KCNN1: variants seen among roughly 807,000 people sequenced by gnomAD.
KCNN1 encodes the protein small conductance calcium-activated potassium channel protein 1.
KCNN1 carries 20 observed loss-of-function variants against 44.7 expected under a neutral mutation model. The ratio of observed to expected loss-of-function variants is 0.45; its 90% confidence interval spans 0.32 to 0.65. The LOEUF is 0.65. KCNN1 is among the 30% of genes least tolerant of loss of function. The pLI is 0.05. For synonymous variants in KCNN1, 324 were observed against 341.7 expected, an observed-to-expected ratio of 0.95 and a Z score of 0.57; for missense variants, 632 against 785.3, an observed-to-expected ratio of 0.80 and a Z score of 2.33.
At chr19:17,964,880 G>A (rs2031760639), upstream of KCNN1, among the ~76,000 whole-genome samples, 1 of 152,174 alleles carries the variant, frequency 6.6e-6, no homozygotes, top group African/African-American at 2.4e-5. This position sits in a 1 kb window ranked among gnomAD's most constrained non-coding sequence, Gnocchi z 4.3. Flanking sequence ...GTGGGTACAG[G>A]GGCTTCAGGG....
Position 17,982,592 on chromosome 19 carries a change from C to G in KCNN1, c.917+465C>G, listed in dbSNP as rs1040083461. The G allele has an allele frequency of 8.1e-6, 8 of 985,196 alleles. No individual in the cohort carries two copies. The Admixed American group carries it at 2.5e-4, about 30-fold the overall frequency. 61.0% of individuals were successfully genotyped at this position (985,196 alleles called of 1,614,324 possible). A position where few individuals can be genotyped will look rare whatever the true frequency, so the allele number is the denominator to read the frequency against. On this transcript the variant is annotated intron_variant, in intron 4 of 9. Coordinates refer to ENST00000684775, the MANE Select transcript of KCNN1 (RefSeq NM_001386974.1). ...GGGAAAACATGTGAGTCCCACCCTC[C>G]GCTGAGCTGTGTGCGCAGAGCAGCC...
At chr19:17,958,925 A>C (rs1320743645) in intron 2 of KCNN1, among the ~76,000 whole-genome samples, 5 of 148,856 alleles carry the variant, frequency 3.4e-5, no homozygotes, top group East Asian at 2.0e-4. Flanking sequence ...TGGTCTCGAT[A>C]TCCTGACTTC....
In KCNN1 at chr19:17,990,731, C is replaced by G. The variant is rs111982879; in HGVS notation, c.1298+888C>G. Among the ~76,000 whole-genome samples, 1,225 of 144,942 alleles carry G rather than the reference C, an allele frequency of 8.5e-3. 8 individuals are homozygous for G. The highest frequency in any genetic ancestry group is 0.029 in the African/African-American group (1,121 of 38,860). ...AGGAGAATGGCATGAACCCAGGAGG[C>G]GGAGCTCGCAGTAAGCTGAGATTGC... On this transcript the variant is annotated intron_variant, in intron 7 of 9. Coordinates refer to ENST00000684775, the MANE Select transcript of KCNN1 (RefSeq NM_001386974.1).
rs1165032676 is a variant in KCNN1, at chr19:17,951,894, C to CT, written c.-203+486dup. ...AGGGGAGCAGCCCTGTTCCGTGCTG[C>CT]TGGGACACTGGGCCCTGGCCAGGGG... On this transcript the variant is annotated intron_variant, in intron 1 of 10. Transcript: ENST00000222249. 2.0e-5 allele frequency among the ~76,000 whole-genome samples: 3 copies of CT among 152,356 alleles called. No individual in the cohort carries two copies. The East Asian group carries it at 5.8e-4, about 29-fold the overall frequency.
chr19:17,977,854 G>A (rs1272391215), intron 3 of KCNN1, among the ~76,000 whole-genome samples: 4 of 151,986 alleles, frequency 2.6e-5, no homozygotes, highest in Admixed American at 6.6e-5. Context: ...TCAGAAATAC[G>A]ACGCTCAGCA....
intron 2 of KCNN1, among the ~76,000 whole-genome samples, chr19:17,955,128 A>C (rs1310199758): frequency 6.7e-6 from 1 of 149,732 alleles, no homozygotes. Context: ...CTGTGGTCCT[A>C]GCTACTCGGA....
intron 2 of KCNN1, among the ~76,000 whole-genome samples, chr19:17,958,005 A>G (rs1018236484): frequency 1.3e-5 from 2 of 152,088 alleles, no homozygotes; most frequent in African/African-American, 4.8e-5. Flanking sequence ...CATGCCAAGT[A>G]GCTACTGTGA....
intron 1 of KCNN1, among the ~76,000 whole-genome samples, chr19:17,953,235 G>T (rs1302177329): frequency 6.6e-6 from 1 of 152,150 alleles, no homozygotes; most frequent in Admixed American, 6.5e-5. Context: ...TGGGGGGAGG[G>T]GGCTTATAGA....
rs1412478993 is a variant in KCNN1 at position 17,974,500 on chromosome 19, C to T, written c.402+210C>T. On this transcript the variant is annotated intron_variant, in intron 2 of 9. Coordinates refer to ENST00000684775, the MANE Select transcript of KCNN1 (RefSeq NM_001386974.1). This position sits in a 1 kb window ranked among gnomAD's most constrained non-coding sequence, Gnocchi z 7.3. ...GGAGAAGGAAGGTTCCAGCCCATTCCCTGGCCAGGTGTCAAGGGGCTGCAC... is the reference window on the plus strand; with the variant it reads ...GGAGAAGGAAGGTTCCAGCCCATTCTCTGGCCAGGTGTCAAGGGGCTGCAC... 6.6e-6 allele frequency among the ~76,000 whole-genome samples: 1 copy of T among 152,140 alleles called. No homozygotes were observed. The highest frequency in any genetic ancestry group is 1.5e-5 in the Non-Finnish European group (1 of 68,010).
Position 17,999,142 on chromosome 19 carries a change from A to T in KCNN1, c.*736A>T, listed in dbSNP as rs2033104242. 6.6e-6 allele frequency: 1 copy of T among 152,380 alleles called. No homozygotes were observed. The highest frequency in any genetic ancestry group is 2.4e-5 in the African/African-American group (1 of 41,428). The allele number at this position is 152,380 out of a possible 1,614,324, so 9.4% of individuals were successfully genotyped here. ...AATTACCACACTGATTCCTCATCAG[A>T]ACTTGACCATGGTGGGATGGGGGGG... On this transcript the variant is annotated 3_prime_UTR_variant, in exon 10 of 10. Coordinates refer to ENST00000684775, the MANE Select transcript of KCNN1 (RefSeq NM_001386974.1).
At chr19:17,954,762 G>C (rs905001636) in intron 2 of KCNN1, 3 of 152,384 alleles carry the variant, frequency 2.0e-5, no homozygotes, top group Non-Finnish European at 2.9e-5. Flanking sequence ...AACTGGGCAG[G>C]CTAGGTGGCT....
intron 7 of KCNN1, among the ~76,000 whole-genome samples, chr19:17,991,529 C>T (rs2032798286): frequency 6.6e-6 from 1 of 151,646 alleles, no homozygotes; most frequent in African/African-American, 2.4e-5. Context: ...GGTGGATCCC[C>T]TGATGTCAGC....
chr19:17,963,441 A>G (rs555542498), upstream of KCNN1, among the ~76,000 whole-genome samples: 4 of 151,254 alleles, frequency 2.6e-5, no homozygotes, highest in African/African-American at 9.7e-5. Flanking sequence ...CAGCCTCCCA[A>G]GTAGCTGGGA....
At chr19:17,984,893 C>T (rs554738628) in intron 4 of KCNN1, among the ~76,000 whole-genome samples, 1 of 152,166 alleles carries the variant, frequency 6.6e-6, no homozygotes, top group Admixed American at 6.5e-5. Context: ...GGTGGTGATC[C>T]TCCAGCCTCC....
At chr19:17,994,695 C>T (rs1011284641) in intron 9 of KCNN1, among the ~76,000 whole-genome samples, 10 of 152,142 alleles carry the variant, frequency 6.6e-5, no homozygotes, top group African/African-American at 1.9e-4. Context: ...AGGCATGCAC[C>T]AGCATGCCCG....
At chr19:17,978,329 G>A (rs932563221) in intron 3 of KCNN1, among the ~76,000 whole-genome samples, 1 of 150,860 alleles carries the variant, frequency 6.6e-6, no homozygotes, top group African/African-American at 2.4e-5. Context: ...GTTTCACCAT[G>A]TTGGCCAGGC....
chr19:17,980,077 T>A (rs945791572), intron 3 of KCNN1, among the ~76,000 whole-genome samples: 15 of 149,952 alleles, frequency 1.0e-4, no homozygotes, highest in Non-Finnish European at 1.8e-4. Context: ...TTTTTTTTTT[T>A]ATCGAGACAA....
At chr19:17,955,091 TAAC>T (rs1352434214) in intron 2 of KCNN1, among the ~76,000 whole-genome samples, 1 of 139,948 alleles carries the variant, frequency 7.1e-6, no homozygotes, top group African/African-American at 2.7e-5. Context: ...TTTGAAATAA[TAAC>T]AAGCTGGGTA....
chr19:17,952,355 G>C (rs1161187296), intron 1 of KCNN1: 1 of 152,412 alleles, frequency 6.6e-6, no homozygotes, highest in Non-Finnish European at 1.5e-5. Flanking sequence ...GGCAGTGGGG[G>C]GCACGGCGGG....
Sources: gnomAD v4.1 joint callset for allele counts (sites outside exome capture counted in the v4.1 genomes callset) on GRCh38, gnomAD v4.1.1 for gene constraint, Gnocchi (gnomAD v3.1) non-coding constraint, MANE v1.5 for transcripts, NCBI Gene and HGNC (gene_info 2026-07-23, HGNC 2026-07-21) for gene names.